SHISA9: variants seen among roughly 807,000 people sequenced by gnomAD.
SHISA9 encodes the protein shisa family member 9, also known as protein shisa-9.
In SHISA9, 13 loss-of-function variants were observed where a neutral mutation model predicts 38.0. The observed-to-expected ratio is 0.34, with a 90% confidence interval of 0.22 to 0.54. SHISA9 has a LOEUF of 0.54. Among genes scored for constraint, SHISA9 ranks in the 20% least tolerant of loss-of-function variants. SHISA9 has a pLI of 0.91. For synonymous variants in SHISA9, 275 were observed against 242.0 expected (o/e 1.14, Z -1.27); for missense variants, 538 against 575.8 (o/e 0.93, Z 0.67).
At chr16:13,087,136 C>T (rs1029037779) in intron 2 of SHISA9, among the ~76,000 whole-genome samples, 1 of 139,532 alleles carries the variant, frequency 7.2e-6, no homozygotes, top group Non-Finnish European at 1.5e-5. Context: ...CCGCAAAGGA[C>T]ATGAACTCGT....
chr16:13,041,133 C>T (rs2073127477), intron 2 of SHISA9, among the ~76,000 whole-genome samples: 1 of 152,222 alleles, frequency 6.6e-6, no homozygotes, highest in South Asian at 2.1e-4. Flanking sequence ...CGCCTCCCAA[C>T]ATCTCAGAGC....
intron 2 of SHISA9, among the ~76,000 whole-genome samples, chr16:13,051,347 G>A (rs2073248679): frequency 6.6e-6 from 1 of 152,162 alleles, no homozygotes; most frequent in South Asian, 2.1e-4. Flanking sequence ...AACAGTATGG[G>A]GGAAACCACC....
At chr16:13,228,929 G>A (rs1302897589) in intron 4 of SHISA9, among the ~76,000 whole-genome samples, 1 of 152,190 alleles carries the variant, frequency 6.6e-6, no homozygotes, top group Non-Finnish European at 1.5e-5. Context: ...GGGAGGCCAA[G>A]GTGGGTGGAT....
At position 13,203,557 on chromosome 16, in the gene SHISA9, C is replaced by G; in HGVS notation, c.847+8C>G. 6.7e-7 allele frequency: 1 copy of G among 1,502,848 alleles called. No individual in the cohort carries two copies. The highest frequency in any genetic ancestry group is 8.9e-7 in the Non-Finnish European group (1 of 1,124,670). The allele number at this position is 1,502,848 out of a possible 1,614,324, so 93.1% of individuals were successfully genotyped here. A position where few individuals can be genotyped will look rare whatever the true frequency, so the allele number is the denominator to read the frequency against. ...CCTCCTTAAAGGCAGTCGGTAAGTGCCACCTGATGGATCTTTTTCTCTTTC... is the reference window on the plus strand; with the variant it reads ...CCTCCTTAAAGGCAGTCGGTAAGTGGCACCTGATGGATCTTTTTCTCTTTC... On this transcript the variant is annotated splice_region_variant and intron_variant, in intron 3 of 4. Coordinates refer to ENST00000558583, the MANE Select transcript of SHISA9 (RefSeq NM_001145204.3).
the SHISA9 span, among the ~76,000 whole-genome samples, chr16:13,304,024 A>T: frequency 0.61 from 92,962 of 151,984 alleles, 28,560 homozygotes; most frequent in Admixed American, 0.68. Context: ...TTAAAAAAAA[A>T]AATAATAAAG....
At chr16:13,398,393 C>G in the SHISA9 span, among the ~76,000 whole-genome samples, 1 of 152,156 alleles carries the variant, frequency 6.6e-6, no homozygotes, top group East Asian at 1.9e-4. Flanking sequence ...CTCCTAACCC[C>G]CGATGTTGTT....
intron 2 of SHISA9, among the ~76,000 whole-genome samples, chr16:13,045,053 T>C (rs1165131622): frequency 1.3e-5 from 2 of 152,232 alleles, no homozygotes; most frequent in Non-Finnish European, 2.9e-5. Context: ...CTCAGTTTCC[T>C]GATCTGTAAG....
chr16:13,498,782 G>A, the SHISA9 span, among the ~76,000 whole-genome samples: 1 of 151,964 alleles, frequency 6.6e-6, no homozygotes, highest in Non-Finnish European at 1.5e-5. Flanking sequence ...AAGAAAAGAA[G>A]GTAGTCATGA....
the SHISA9 span, among the ~76,000 whole-genome samples, chr16:13,476,249 A>AGAT: frequency 6.6e-6 from 1 of 152,218 alleles, no homozygotes; most frequent in African/African-American, 2.4e-5. Flanking sequence ...GAAACTCACC[A>AGAT]GATCATCACA....
the SHISA9 span, among the ~76,000 whole-genome samples, chr16:13,278,073 A>C: frequency 6.6e-6 from 1 of 151,868 alleles, no homozygotes. Flanking sequence ...GGCTTTTATT[A>C]CCTTAAGGTA....
At chr16:13,432,605 C>T in the SHISA9 span, among the ~76,000 whole-genome samples, 1 of 152,004 alleles carries the variant, frequency 6.6e-6, no homozygotes, top group African/African-American at 2.4e-5. Context: ...TTTTTTATGG[C>T]AGTCATTTCA....
At chr16:13,126,247 C>G (rs898500348) in intron 2 of SHISA9, among the ~76,000 whole-genome samples, 4 of 152,168 alleles carry the variant, frequency 2.6e-5, no homozygotes, top group Non-Finnish European at 5.9e-5. Flanking sequence ...TCCAATTCCT[C>G]TATCATAACG....
intron 2 of SHISA9, among the ~76,000 whole-genome samples, chr16:13,137,717 G>T (rs1324786105): frequency 6.6e-6 from 1 of 152,162 alleles, no homozygotes. Flanking sequence ...GCCTCCCAAA[G>T]TGCTGGGATT....
chr16:13,113,598 C>G (rs2074001128), intron 2 of SHISA9, among the ~76,000 whole-genome samples: 1 of 152,160 alleles, frequency 6.6e-6, no homozygotes, highest in South Asian at 2.1e-4. Context: ...GCCTGAGAGG[C>G]TCATTATTGC....
At chr16:13,056,915 C>G (rs985974982) in intron 2 of SHISA9, among the ~76,000 whole-genome samples, 1 of 152,160 alleles carries the variant, frequency 6.6e-6, no homozygotes, top group Non-Finnish European at 1.5e-5. Context: ...GTAGACACAG[C>G]GGGGCTTAGG....
the SHISA9 span, among the ~76,000 whole-genome samples, chr16:13,513,228 A>G: frequency 6.6e-6 from 1 of 152,044 alleles, no homozygotes; most frequent in Non-Finnish European, 1.5e-5. Context: ...AAAAGAAGAC[A>G]TTTATGCAGC....
the SHISA9 span, among the ~76,000 whole-genome samples, chr16:13,335,174 A>G: frequency 6.6e-6 from 1 of 152,224 alleles, no homozygotes; most frequent in Admixed American, 6.5e-5. Flanking sequence ...TGGCCAATTA[A>G]CTTGAGCCCT....
chr16:12,978,053 T>C (rs1416184478), intron 2 of SHISA9, among the ~76,000 whole-genome samples: 1 of 151,986 alleles, frequency 6.6e-6, no homozygotes, highest in African/African-American at 2.4e-5. Flanking sequence ...AGAGGTAGGA[T>C]TTTTGCAGAG....
intron 2 of SHISA9, among the ~76,000 whole-genome samples, chr16:13,120,673 G>A (rs1596661574): frequency 6.6e-6 from 1 of 152,192 alleles, no homozygotes; most frequent in Non-Finnish European, 1.5e-5. Flanking sequence ...GCAAAGAAGG[G>A]AGAGAAACAC....
Sources: allele counts gnomAD v4.1 joint callset (sites outside exome capture counted in the v4.1 genomes callset), GRCh38; gene constraint gnomAD v4.1.1; transcripts MANE v1.5; gene names NCBI Gene and HGNC (gene_info 2026-07-23, HGNC 2026-07-21).